The following ELAPOR2 variants were observed in gnomAD, a reference collection of about 807,000 sequenced individuals.
ELAPOR2 encodes the protein endosome-lysosome associated apoptosis and autophagy regulator family member 2.
A neutral mutation model predicts 120.7 loss-of-function variants in ELAPOR2; 89 were observed. That is an observed-to-expected ratio of 0.74 (90% CI 0.62 to 0.88). The LOEUF is 0.88. Ranked by LOEUF, ELAPOR2 falls within the 40% of genes least tolerant of loss-of-function variation. The pLI is 0.00. For synonymous variants in ELAPOR2, 444 were observed against 444.9 expected (o/e 1.00, Z 0.03); for missense variants, 1,134 against 1,251.6 (o/e 0.91, Z 1.42).
intron 2 of ELAPOR2, among the ~76,000 whole-genome samples, chr7:86,950,707 G>A: frequency 6.6e-6 from 1 of 152,182 alleles, no homozygotes; most frequent in Non-Finnish European, 1.5e-5. Context: ...GCTAGCCCTT[G>A]GCCAGCGTGG....
At chr7:86,907,649 A>C in intron 18 of ELAPOR2, 21 bp downstream of exon 18, 2 of 1,449,668 alleles carry the variant, frequency 1.4e-6, no homozygotes, top group African/African-American at 2.9e-5. Context: ...GTAAACACAA[A>C]TCATATGGAA....
chr7:86,931,134 A>C (rs1037873455), intron 8 of ELAPOR2, among the ~76,000 whole-genome samples: 5 of 151,994 alleles, frequency 3.3e-5, no homozygotes, highest in African/African-American at 1.2e-4. Context: ...ACTTAACCTC[A>C]TTAAGCCTCA....
At chr7:86,993,981 CTCT>C (rs1793038510) in intron 1 of ELAPOR2, among the ~76,000 whole-genome samples, 4 of 152,212 alleles carry the variant, frequency 2.6e-5, no homozygotes, top group Admixed American at 2.0e-4. Flanking sequence ...TCTCTTTGAT[CTCT>C]TTGAGCCTTT....
chr7:87,047,887 A>G (rs561200469), intron 1 of ELAPOR2, among the ~76,000 whole-genome samples: 2 of 152,348 alleles, frequency 1.3e-5, no homozygotes, highest in Non-Finnish European at 2.9e-5. Context: ...TTTGTTGCAC[A>G]ACTGTTCACA....
At chr7:87,000,378 C>T (rs560239766) in intron 1 of ELAPOR2, among the ~76,000 whole-genome samples, 30 of 144,520 alleles carry the variant, frequency 2.1e-4, no homozygotes, top group Non-Finnish European at 3.6e-4. Context: ...AGTTCCCAAA[C>T]CCCTTTCCCA....
At chr7:86,900,770 G>A (rs546781850) in intron 18 of ELAPOR2, among the ~76,000 whole-genome samples, 17 of 152,164 alleles carry the variant, frequency 1.1e-4, no homozygotes, top group South Asian at 4.2e-4. Context: ...CAGTCCTTCC[G>A]TGTGAAACAG....
intron 1 of ELAPOR2, among the ~76,000 whole-genome samples, chr7:86,995,362 T>C (rs1240705345): frequency 6.6e-6 from 1 of 152,158 alleles, no homozygotes. Context: ...ACAACTTTAT[T>C]TATAAGAACA....
At chr7:86,932,944 T>C (rs931381491) in intron 8 of ELAPOR2, among the ~76,000 whole-genome samples, 8 of 124,788 alleles carry the variant, frequency 6.4e-5, no homozygotes, top group Admixed American at 6.1e-4. Context: ...AATTATATCA[T>C]TTTTATCTTT....
At chr7:86,997,002 A>G (rs1021834140) in intron 1 of ELAPOR2, among the ~76,000 whole-genome samples, 15 of 152,216 alleles carry the variant, frequency 9.9e-5, no homozygotes, top group African/African-American at 2.7e-4. Flanking sequence ...ACCTGTAGGC[A>G]GTGTTTACTT....
At chr7:86,967,305 C>A (rs1281891817) in intron 1 of ELAPOR2, among the ~76,000 whole-genome samples, 2 of 151,974 alleles carry the variant, frequency 1.3e-5, no homozygotes, top group East Asian at 3.9e-4. Flanking sequence ...ACTAAAAGTA[C>A]AAAAATTAGC....
intron 1 of ELAPOR2, among the ~76,000 whole-genome samples, chr7:87,026,407 C>T (rs1794245812): frequency 1.3e-5 from 2 of 149,980 alleles, no homozygotes; most frequent in Admixed American, 1.3e-4. Flanking sequence ...GTTTAAACAA[C>T]ATGAAATTTT....
intron 3 of ELAPOR2, among the ~76,000 whole-genome samples, chr7:86,946,083 A>G (rs1178418950): frequency 6.6e-6 from 1 of 152,136 alleles, no homozygotes; most frequent in Non-Finnish European, 1.5e-5. Context: ...AAACACATGA[A>G]CAATAAACAC....
intron 8 of ELAPOR2, among the ~76,000 whole-genome samples, 177 bp from the exon 9 acceptor site, chr7:86,927,093 A>G (rs111414885): frequency 2.0e-5 from 3 of 152,072 alleles, no homozygotes; most frequent in South Asian, 2.1e-4. Context: ...TGGGGAAATG[A>G]CTGTTACTTC....
At chr7:87,013,919 A>G (rs561493076) in intron 1 of ELAPOR2, among the ~76,000 whole-genome samples, 53 of 152,110 alleles carry the variant, frequency 3.5e-4, no homozygotes, top group African/African-American at 1.2e-3. Context: ...GTCACCTGAC[A>G]CACACATTCC....
chr7:86,949,704 TG>T (rs1791159934), intron 2 of ELAPOR2, among the ~76,000 whole-genome samples: 1 of 152,138 alleles, frequency 6.6e-6, no homozygotes, highest in Non-Finnish European at 1.5e-5. Flanking sequence ...AGAGCAAGGT[TG>T]GGGCTGAGCC....
intron 18 of ELAPOR2, among the ~76,000 whole-genome samples, chr7:86,904,766 G>T (rs1322427497): frequency 6.6e-6 from 1 of 151,954 alleles, no homozygotes; most frequent in Non-Finnish European, 1.5e-5. Context: ...ACTTTCCCAG[G>T]TCTGGGGATC....
At chr7:86,998,690 C>T (rs1635003) in intron 1 of ELAPOR2, among the ~76,000 whole-genome samples, 57,576 of 152,026 alleles carry the variant, frequency 0.38, 11,754 homozygotes, top group African/African-American at 0.53. Flanking sequence ...GAGCATCCTC[C>T]GAGTTGAGAC....
chr7:86,938,671 T>A, intron 7 of ELAPOR2, 137 bp downstream of exon 7: 1 of 793,802 alleles, frequency 1.3e-6, no homozygotes, highest in Non-Finnish European at 2.1e-6. Context: ...ATTTTATCCA[T>A]TCAACATCAA....
intron 1 of ELAPOR2, among the ~76,000 whole-genome samples, chr7:86,992,917 A>G (rs907371462): frequency 1.3e-5 from 2 of 152,188 alleles, no homozygotes; most frequent in Middle Eastern, 3.2e-3. Flanking sequence ...CAACAACTAT[A>G]AAAACTACAG....
Sources: gnomAD v4.1 joint callset for allele counts (sites outside exome capture counted in the v4.1 genomes callset) on GRCh38, gnomAD v4.1.1 for gene constraint, MANE v1.5 for transcripts, NCBI Gene and HGNC (gene_info 2026-07-23, HGNC 2026-07-21) for gene names.